The following ARMC6 variants were observed in gnomAD, a reference collection of about 807,000 sequenced individuals.
ARMC6 encodes the protein armadillo repeat-containing protein 6.
ARMC6 carries 43 observed loss-of-function variants against 49.2 expected under a neutral mutation model. The observed-to-expected ratio is 0.87, with a 90% CI of 0.69 to 1.13. ARMC6 has a LOEUF of 1.13. Among genes scored for constraint, ARMC6 ranks in the 50% most tolerant of loss-of-function variants. ARMC6 has a pLI of 0.00. For missense variants in ARMC6, 627 were observed against 682.0 expected (o/e 0.92, Z 0.90); for synonymous variants, 262 against 289.6 (o/e 0.90, Z 0.97).
chr19:19,036,546 C>T (rs189152339), intron 2 of ARMC6, among the ~76,000 whole-genome samples: 27 of 152,224 alleles, frequency 1.8e-4, no homozygotes, highest in Middle Eastern at 3.4e-3. Context: ...CTGGCCTGGC[C>T]GGGGTGGTGG....
intron 4 of ARMC6, among the ~76,000 whole-genome samples, chr19:19,045,944 C>T (rs1237245757): frequency 6.6e-6 from 1 of 152,088 alleles, no homozygotes; most frequent in Non-Finnish European, 1.5e-5. Flanking sequence ...AGCCACTATG[C>T]CCGGCCTATT....
intron 8 of ARMC6, among the ~76,000 whole-genome samples, chr19:19,056,982 C>G (rs756265103): frequency 1.3e-5 from 2 of 152,348 alleles, no homozygotes; most frequent in Middle Eastern, 3.4e-3. Context: ...GGCAGTGCCC[C>G]GCGCCCACCC....
At chr19:19,053,546 G>C (rs546224024) in intron 5 of ARMC6, among the ~76,000 whole-genome samples, 2 of 152,286 alleles carry the variant, frequency 1.3e-5, no homozygotes, top group Admixed American at 1.3e-4. Context: ...GTAACCATGT[G>C]GACAGAATAC....
intron 2 of ARMC6, among the ~76,000 whole-genome samples, chr19:19,036,559 G>A (rs1354513736): frequency 1.3e-5 from 2 of 152,174 alleles, no homozygotes; most frequent in Admixed American, 6.5e-5. Context: ...GGTGGTGGGA[G>A]TGGAGTCCCC....
Position 19,051,618 on chromosome 19 carries a change from C to G in ARMC6, c.280-4C>G, listed in dbSNP as rs749085846. 3 of 1,584,668 alleles carry G rather than the reference C, an allele frequency of 1.9e-6. No individual in the cohort carries two copies. The African/African-American group carries it at 4.0e-5, about 21-fold the overall frequency. On this transcript the variant is annotated splice_polypyrimidine_tract_variant and splice_region_variant and intron_variant, in intron 4 of 8. Coordinates refer to ENST00000535612, the MANE Select transcript of ARMC6 (RefSeq NM_001199196.2). ...GATGCTGAGGTTTCTCCCATGTCTCCCAGATGCTCAGTGACCTCCAGGAGT... is the reference window on the plus strand; with the variant it reads ...GATGCTGAGGTTTCTCCCATGTCTCGCAGATGCTCAGTGACCTCCAGGAGT...
chr19:19,054,067 C>G, intron 5 of ARMC6, 85 bp from the exon 6 acceptor site: 2 of 1,362,926 alleles, frequency 1.5e-6, no homozygotes, highest in South Asian at 3.2e-5. Context: ...CTGGACTCTT[C>G]CAGTGGAGCA....
intron 2 of ARMC6, among the ~76,000 whole-genome samples, chr19:19,041,647 C>A (rs548211796): frequency 6.6e-6 from 1 of 152,034 alleles, no homozygotes; most frequent in Non-Finnish European, 1.5e-5. Flanking sequence ...CTGCACCCAG[C>A]GAATTGTATT....
chr19:19,035,554 G>A (rs2059357903), intron 2 of ARMC6, among the ~76,000 whole-genome samples: 1 of 152,156 alleles, frequency 6.6e-6, no homozygotes, highest in Non-Finnish European at 1.5e-5. Context: ...AGATCTAGGG[G>A]ACCTTGGAGG....
At chr19:19,046,419 G>T (rs919400591) in intron 4 of ARMC6, among the ~76,000 whole-genome samples, 7 of 151,398 alleles carry the variant, frequency 4.6e-5, no homozygotes, top group Admixed American at 4.6e-4. Flanking sequence ...GGATGATCTC[G>T]ATCTCCTGAC....
At chr19:19,043,867 G>A in intron 3 of ARMC6, 125 bp from the exon 4 acceptor site, 1 of 784,458 alleles carries the variant, frequency 1.3e-6, no homozygotes, top group Non-Finnish European at 2.2e-6. Flanking sequence ...AGGGAGGTGG[G>A]AGGCTTCTGG....
At chr19:19,048,006 G>A (rs1321318830) in intron 4 of ARMC6, among the ~76,000 whole-genome samples, 4 of 152,032 alleles carry the variant, frequency 2.6e-5, no homozygotes, top group African/African-American at 9.7e-5. Context: ...GAGCTGAGGA[G>A]TTTGGGACCA....
intron 2 of ARMC6, among the ~76,000 whole-genome samples, chr19:19,036,592 A>T (rs1182858539): frequency 6.6e-6 from 1 of 152,216 alleles, no homozygotes; most frequent in East Asian, 1.9e-4. Context: ...CCTACTGAGA[A>T]ACTCTTTATA....
intron 4 of ARMC6, among the ~76,000 whole-genome samples, chr19:19,050,916 C>T (rs2059490446): frequency 6.6e-6 from 1 of 152,220 alleles, no homozygotes; most frequent in African/African-American, 2.4e-5. Flanking sequence ...CATGCTAAGA[C>T]ATGTCCCGAG....
Position 19,047,786 on chromosome 19 carries a change from C to T in ARMC6, c.279+3712C>T, listed in dbSNP as rs867908581. On this transcript the variant is annotated intron_variant, in intron 4 of 8. Transcript: ENST00000535612. ...CCTGAGAACATGTGTCCAAGGTGGTCGGGCTACAGCTTGGTTTTATACGTT... is the reference window on the plus strand; with the variant it reads ...CCTGAGAACATGTGTCCAAGGTGGTTGGGCTACAGCTTGGTTTTATACGTT... Among the ~76,000 whole-genome samples, 9 of 152,254 alleles carry T rather than the reference C, an allele frequency of 5.9e-5. 1 individual carries two copies. The South Asian group carries it at 1.0e-3, about 18-fold the overall frequency.
At chr19:19,047,701 A>G (rs551525618) in intron 4 of ARMC6, among the ~76,000 whole-genome samples, 1 of 152,346 alleles carries the variant, frequency 6.6e-6, no homozygotes, top group African/African-American at 2.4e-5. Flanking sequence ...AAATATTTCA[A>G]GAGATTTATT....
At chr19:19,052,720 G>A (rs2059509860) in intron 5 of ARMC6, among the ~76,000 whole-genome samples, 1 of 152,272 alleles carries the variant, frequency 6.6e-6, no homozygotes, top group Admixed American at 6.5e-5. Flanking sequence ...CCCATCCACT[G>A]AACCCACCAG....
Position 19,055,715 on chromosome 19 carries a change from G to T in ARMC6, c.1156-76G>T. 1 of 1,505,010 alleles carries T rather than the reference G, an allele frequency of 6.6e-7. No individual in the cohort carries two copies. Among genetic ancestry groups the T allele is most frequent in the South Asian group, 1.3e-5 (1 of 77,448 alleles). The allele number at this position is 1,505,010 out of a possible 1,614,324, so 93.2% of individuals were successfully genotyped here. A position where few individuals can be genotyped will look rare whatever the true frequency, so the allele number is the denominator to read the frequency against. ...GGGGAGGCCGCAGGGTGTTCACCAGGGGTTGGTGGCCATGGCAGGATGTTG... is the reference window on the plus strand; with the variant it reads ...GGGGAGGCCGCAGGGTGTTCACCAGTGGTTGGTGGCCATGGCAGGATGTTG... On this transcript the variant is annotated intron_variant, in intron 7 of 8. Coordinates refer to ENST00000535612, the MANE Select transcript of ARMC6 (RefSeq NM_001199196.2). The surrounding 1 kb of genome is among the most constrained non-coding windows in gnomAD (Gnocchi z 5.7).
rs1335723142 is a variant in ARMC6 at position 19,033,637 on chromosome 19, C to T, written c.-373C>T. The T allele has an allele frequency of 9.0e-7, 1 of 1,115,002 alleles. No individual in the cohort carries two copies. The highest frequency in any genetic ancestry group is 1.6e-5 in the African/African-American group (1 of 60,994). The allele number at this position is 1,115,002 out of a possible 1,614,324, so 69.1% of individuals were successfully genotyped here. ...CTCTCTTGCGCAAGCGCGCTGTCCG[C>T]TTCTTCTGGGCGGACGCTCTGGAGG... On this transcript the variant is annotated 5_prime_UTR_variant, in exon 1 of 9. Coordinates refer to ENST00000535612, the MANE Select transcript of ARMC6 (RefSeq NM_001199196.2).
At position 19,055,663 on chromosome 19, in the gene ARMC6, A is replaced by T; in HGVS notation, c.1156-128A>T. The stretch of plus-strand genomic sequence containing the variant: ...ATATTTTTGTCACCCTGCCATTATT[A>T]CACAGGAGTTGCCAGAGACCCACGG... On this transcript the variant is annotated intron_variant, in intron 7 of 8. Transcript: ENST00000535612. The surrounding 1 kb of genome is among the most constrained non-coding windows in gnomAD (Gnocchi z 5.7). 7.4e-7 allele frequency: 1 copy of T among 1,349,342 alleles called. No individual in the cohort carries two copies. The highest frequency in any genetic ancestry group is 1.0e-6 in the Non-Finnish European group (1 of 997,608). 83.6% of individuals were successfully genotyped at this position (1,349,342 alleles called of 1,614,324 possible). A position where few individuals can be genotyped will look rare whatever the true frequency, so the allele number is the denominator to read the frequency against.
Sources: allele counts gnomAD v4.1 joint callset (sites outside exome capture counted in the v4.1 genomes callset), GRCh38; gene constraint gnomAD v4.1.1; non-coding constraint Gnocchi (gnomAD v3.1); transcripts MANE v1.5; gene names NCBI Gene and HGNC (gene_info 2026-07-23, HGNC 2026-07-21).